Variants in SEMA4D observed in about 807,000 individuals in gnomAD.
SEMA4D encodes semaphorin-4D.
A neutral mutation model predicts 74.8 loss-of-function variants in SEMA4D; 22 were observed. The ratio of observed to expected loss-of-function variants is 0.29; its 90% CI spans 0.21 to 0.42. The LOEUF (loss-of-function observed/expected upper bound fraction) is 0.42. Ranked by LOEUF, SEMA4D falls within the 10% of genes least tolerant of loss-of-function variation. The pLI is 1.00. For missense variants in SEMA4D, 937 were observed against 1,118.4 expected (o/e 0.84, Z 2.31); for synonymous variants, 445 against 463.7 (o/e 0.96, Z 0.52).
chr9:89,374,257 C>A (rs1835493851), downstream of SEMA4D, among the ~76,000 whole-genome samples: 1 of 152,216 alleles, frequency 6.6e-6, no homozygotes, highest in South Asian at 2.1e-4. Context: ...GCTCCCCTAC[C>A]CTCTACACAC....
intron 16 of SEMA4D, among the ~76,000 whole-genome samples, chr9:89,371,866 T>G (rs1275513867): frequency 1.7e-4 from 2 of 11,780 alleles, no homozygotes; most frequent in Non-Finnish European, 2.9e-4. Context: ...GAGGTGTGTG[T>G]GGGGGGGTGT....
At chr9:89,389,150 G>T in intron 9 of SEMA4D, 103 bp from the exon 10 acceptor site, 2 of 1,230,506 alleles carry the variant, frequency 1.6e-6, no homozygotes, top group Non-Finnish European at 2.3e-6. Flanking sequence ...CAGCGCGGCT[G>T]TGCCTGACTG....
intron 2 of SEMA4D, among the ~76,000 whole-genome samples, chr9:89,406,239 C>G (rs1028170720): frequency 2.6e-5 from 4 of 152,184 alleles, no homozygotes; most frequent in African/African-American, 7.2e-5. Context: ...GGATGTACAC[C>G]TGTAGAAACA....
intron 2 of SEMA4D, among the ~76,000 whole-genome samples, chr9:89,407,387 TAA>T (rs1731764491): frequency 1.3e-5 from 2 of 152,186 alleles, no homozygotes; most frequent in Non-Finnish European, 2.9e-5. Flanking sequence ...AACATGAAGA[TAA>T]AAGTCTCATT....
intron 5 of SEMA4D, among the ~76,000 whole-genome samples, chr9:89,399,027 C>A (rs541132821): frequency 2.0e-4 from 30 of 152,320 alleles, no homozygotes; most frequent in African/African-American, 7.2e-4. Context: ...ACATTCAATT[C>A]ATATAAACTT....
At chr9:89,399,405 T>A in intron 4 of SEMA4D, 67 bp from the exon 5 acceptor site, 2 of 1,185,248 alleles carry the variant, frequency 1.7e-6, no homozygotes, top group Non-Finnish European at 2.5e-6. Flanking sequence ...AATGCACAAT[T>A]TTAAAAGCAC....
At chr9:89,374,491 G>T (rs1051441991), downstream of SEMA4D, among the ~76,000 whole-genome samples, 2 of 152,208 alleles carry the variant, frequency 1.3e-5, no homozygotes, top group Non-Finnish European at 2.9e-5. Flanking sequence ...GGCACAGCAA[G>T]TGAGACTGAG....
intron 1 of SEMA4D, among the ~76,000 whole-genome samples, chr9:89,465,875 TGAG>T (rs974792665): frequency 6.6e-6 from 1 of 152,308 alleles, no homozygotes; most frequent in South Asian, 2.1e-4. Flanking sequence ...CAAGGTGGAA[TGAG>T]GAGAAGATGG....
At chr9:89,373,411 T>C (rs139111558), downstream of SEMA4D, among the ~76,000 whole-genome samples, 527 of 152,232 alleles carry the variant, frequency 3.5e-3, 3 homozygotes, top group African/African-American at 0.012. Flanking sequence ...GGGTGACACA[T>C]GGGCCTCCAC....
chr9:89,363,495 GCT>G lies in SEMA4D; in HGVS notation c.2123_2124del (p.Glu708AlafsTer26). 1.2e-6 allele frequency: 2 copies of G among 1,614,088 alleles called. No homozygotes were observed. ...CCAGCCACAGCCCTCCAGGCAGAGAGCTCTCTGGTCCACCTCTCCTGGTGGGT... is the reference window on the plus strand; with the variant it reads ...CCAGCCACAGCCCTCCAGGCAGAGAGCTCTGGTCCACCTCTCCTGGTGGGT... On this transcript the variant is annotated frameshift_variant, in exon 18 of 19. Coordinates refer to the SEMA4D transcript ENST00000339861. LOFTEE classifies it high-confidence loss of function.
chr9:89,384,400 G>C (rs1201905465), intron 13 of SEMA4D, among the ~76,000 whole-genome samples: 1 of 152,202 alleles, frequency 6.6e-6, no homozygotes, highest in Non-Finnish European at 1.5e-5. Flanking sequence ...GTTACAAATG[G>C]ATAAATACTG....
intron 2 of SEMA4D, among the ~76,000 whole-genome samples, chr9:89,437,040 T>A (rs1850588920): frequency 6.6e-6 from 1 of 152,202 alleles, no homozygotes; most frequent in African/African-American, 2.4e-5. Flanking sequence ...GAGGTAGCAA[T>A]GAGGGCAAAC....
chr9:89,392,247 A>G (rs1470958046), intron 8 of SEMA4D, among the ~76,000 whole-genome samples, 176 bp downstream of exon 8: 2 of 152,152 alleles, frequency 1.3e-5, no homozygotes, highest in African/African-American at 4.8e-5. Flanking sequence ...AAAACACCCA[A>G]CAAGGTGCCC....
chr9:89,432,399 G>C (rs374270719), intron 2 of SEMA4D, among the ~76,000 whole-genome samples: 1 of 152,104 alleles, frequency 6.6e-6, no homozygotes, highest in Admixed American at 6.5e-5. Flanking sequence ...TGATCAGGGC[G>C]GCCACAGTAA....
intron 13 of SEMA4D, chr9:89,385,501 G>A: frequency 1.0e-6 from 1 of 985,402 alleles, no homozygotes; most frequent in Non-Finnish European, 1.2e-6. Context: ...AGACCGAGAG[G>A]CTGGTGAACA....
intron 2 of SEMA4D, among the ~76,000 whole-genome samples, chr9:89,449,220 A>AAAAATGCAAAAT (rs2135372424): frequency 6.6e-6 from 1 of 152,378 alleles, no homozygotes; most frequent in Admixed American, 6.5e-5. Flanking sequence ...AATTGTCTGC[A>AAAAATGCAAAAT]AAAATGCAAA....
At chr9:89,442,073 A>G (rs1851779904) in intron 2 of SEMA4D, among the ~76,000 whole-genome samples, 1 of 152,240 alleles carries the variant, frequency 6.6e-6, no homozygotes, top group South Asian at 2.1e-4. Context: ...TGGTGAGTTC[A>G]GCATGTTCCT....
chr9:89,368,559 C>G (rs921846395), intron 16 of SEMA4D: 4 of 152,416 alleles, frequency 2.6e-5, no homozygotes, highest in Non-Finnish European at 4.4e-5. Context: ...GTCATCCTTT[C>G]TGTCCTCTGT....
intron 1 of SEMA4D, among the ~76,000 whole-genome samples, chr9:89,487,659 G>A (rs994651607): frequency 6.6e-6 from 1 of 152,002 alleles, no homozygotes; most frequent in Non-Finnish European, 1.5e-5. Context: ...CTTAAATAGC[G>A]ACTTAGCAAG....
Sources: allele counts gnomAD v4.1 joint callset (sites outside exome capture counted in the v4.1 genomes callset), GRCh38; gene constraint gnomAD v4.1.1; transcripts MANE v1.5; gene names NCBI Gene and HGNC (gene_info 2026-07-23, HGNC 2026-07-21).